LRRC53: variants seen among roughly 807,000 people sequenced by gnomAD.
The protein encoded by LRRC53 is leucine-rich repeat-containing protein 53.
Under a neutral mutation model 13.6 loss-of-function variants are expected in LRRC53, and 25 were observed. The observed-to-expected ratio is 1.83, with a 90% CI of 1.34 to 2.56. The LOEUF is 2.56. Ranked by LOEUF, LRRC53 falls within the 30% of genes most tolerant of loss-of-function variation. The pLI is 0.00. For missense variants in LRRC53, 527 were observed against 275.8 expected, an observed-to-expected ratio of 1.91 and a Z score of -6.45; for synonymous variants, 204 against 109.8, an observed-to-expected ratio of 1.86 and a Z score of -5.37.
At chr1:74,510,464 C>T (rs532132148) in intron 1 of LRRC53, among the ~76,000 whole-genome samples, 4 of 152,206 alleles carry the variant, frequency 2.6e-5, no homozygotes, top group East Asian at 1.9e-4. Flanking sequence ...GCCGACATCG[C>T]GCCACTGCAC....
Position 74,482,002 on chromosome 1 carries a change from C to T in LRRC53, c.89-1034G>A, listed in dbSNP as rs551356078. On this transcript the variant is annotated intron_variant, in intron 2 of 4. Coordinates refer to ENST00000294635, the MANE Select transcript of LRRC53 (RefSeq NM_001382280.1). The stretch of plus-strand genomic sequence containing the variant: ...CTCAGAGTGCCTTCTTTTGGAAGAA[C>T]TGTTCTCATCCCTGCAGCACAAGCA... Among the ~76,000 whole-genome samples the T allele has an allele frequency of 1.1e-4, 16 of 152,284 alleles. No individual in the cohort carries two copies. In the South Asian group the frequency reaches 2.3e-3, roughly 22 times the overall value.
the LRRC53 span, among the ~76,000 whole-genome samples, chr1:74,525,846 G>A: frequency 1.3e-5 from 2 of 152,174 alleles, no homozygotes; most frequent in African/African-American, 4.8e-5. Context: ...AGGCATCACA[G>A]CACATCACAC....
chr1:74,495,029 T>G (rs1451123256), intron 1 of LRRC53, among the ~76,000 whole-genome samples: 1 of 152,156 alleles, frequency 6.6e-6, no homozygotes, highest in Non-Finnish European at 1.5e-5. Context: ...CCACTACTAA[T>G]TTTTCAAAAA....
the LRRC53 span, among the ~76,000 whole-genome samples, chr1:74,533,811 G>A: frequency 1.3e-5 from 2 of 152,064 alleles, no homozygotes; most frequent in Non-Finnish European, 2.9e-5. Flanking sequence ...CTATCACAAG[G>A]ACAAAAAACC....
At chr1:74,504,631 A>G (rs274609) in intron 1 of LRRC53, among the ~76,000 whole-genome samples, 101,818 of 151,878 alleles carry the variant, frequency 0.67, 35,690 homozygotes, top group African/African-American at 0.88. Flanking sequence ...TGTAAAATTG[A>G]CACCTTTAAA....
the LRRC53 span, among the ~76,000 whole-genome samples, chr1:74,531,479 G>T: frequency 6.6e-6 from 1 of 152,166 alleles, no homozygotes; most frequent in African/African-American, 2.4e-5. Context: ...TAAGAGGAAA[G>T]GTGGGCTGCA....
upstream of LRRC53, among the ~76,000 whole-genome samples, chr1:74,513,381 G>A (rs1481954168): frequency 6.6e-6 from 1 of 152,170 alleles, no homozygotes; most frequent in East Asian, 1.9e-4. Flanking sequence ...ACTGGTAGTA[G>A]GAGTTGAGAA....
At chr1:74,489,521 A>G (rs1668942462) in intron 1 of LRRC53, among the ~76,000 whole-genome samples, 1 of 152,226 alleles carries the variant, frequency 6.6e-6, no homozygotes, top group African/African-American at 2.4e-5. Flanking sequence ...TGATAAGTAA[A>G]AATTGGAAAG....
chr1:74,531,732 A>G, the LRRC53 span, among the ~76,000 whole-genome samples: 252 of 152,280 alleles, frequency 1.7e-3, 6 homozygotes, highest in East Asian at 0.042. Flanking sequence ...CTGTTTAAGT[A>G]TTATTGTATG....
rs1667852272 is a variant in LRRC53, at chr1:74,470,126, C to T, written c.3496G>A (p.Val1166Ile). ...TTTTGAACTTCTCTAAAATTATGTA[C>T]ATTACTGTTAACTTCAGGATCTACT... is the stretch of plus-strand genomic sequence containing the variant. ...SEVDPEVNSN[V>I]HNFREVQNIQ... The change falls in exon 5 of 5, where the codon GTA (valine) becomes ATA (isoleucine). Residue 1166 changes from valine (V) to isoleucine (I), a missense_variant. Coordinates refer to ENST00000294635, the MANE Select transcript of LRRC53 (RefSeq NM_001382280.1). 2 of 400,582 alleles carry T rather than the reference C, an allele frequency of 5.0e-6. No individual in the cohort carries two copies. Among genetic ancestry groups the T allele is most frequent in the Admixed American group, 4.4e-5 (1 of 22,718 alleles). The allele number at this position is 400,582 out of a possible 1,614,324, so 24.8% of individuals were successfully genotyped here.
intron 2 of LRRC53, among the ~76,000 whole-genome samples, 174 bp from the exon 3 acceptor site, chr1:74,481,142 G>A (rs1371363739): frequency 1.3e-5 from 2 of 152,162 alleles, no homozygotes; most frequent in African/African-American, 2.4e-5. Context: ...GGGGAAGCTG[G>A]CTATATATCA....
intron 1 of LRRC53, chr1:74,492,242 G>A (rs2100305362): frequency 1.6e-5 from 26 of 1,601,892 alleles, no homozygotes; most frequent in Non-Finnish European, 2.0e-5. Flanking sequence ...CTAAATGCAA[G>A]GTCCTATGCT....
the LRRC53 span, among the ~76,000 whole-genome samples, chr1:74,523,244 CA>C: frequency 6.6e-6 from 1 of 152,138 alleles, no homozygotes; most frequent in Non-Finnish European, 1.5e-5. Context: ...AATTTTCTAA[CA>C]CCTATGATTT....
upstream of LRRC53, among the ~76,000 whole-genome samples, chr1:74,514,258 A>T (rs949745527): frequency 6.6e-6 from 1 of 152,186 alleles, no homozygotes; most frequent in East Asian, 1.9e-4. Context: ...GCTAGGAGCA[A>T]TTGTTTTAAA....
chr1:74,492,140 C>T lies in LRRC53; in HGVS notation c.-26-8765G>A, dbSNP rs1210821808. 3 of 1,594,908 alleles carry T rather than the reference C, an allele frequency of 1.9e-6. No individual in the cohort carries two copies. Among genetic ancestry groups the T allele is most frequent in the Non-Finnish European group, 2.6e-6 (3 of 1,168,510 alleles). On this transcript the variant is annotated intron_variant, in intron 1 of 4. Coordinates refer to ENST00000294635, the MANE Select transcript of LRRC53 (RefSeq NM_001382280.1). ...AGTAACAGCAGTGGGTCTCTCTCAC[C>T]TTCTTCTTCTTCTGATTGCCTGGTG...
intron 1 of LRRC53, among the ~76,000 whole-genome samples, chr1:74,495,223 C>G (rs893283060): frequency 1.3e-5 from 2 of 152,170 alleles, no homozygotes; most frequent in South Asian, 2.1e-4. Context: ...TTGCTGTGAG[C>G]GTGCATTCAA....
chr1:74,469,728 GTTTTA>G lies in LRRC53; in HGVS notation c.*145_*149del, dbSNP rs1364085483. On this transcript the variant is annotated 3_prime_UTR_variant, in exon 5 of 5. Transcript: ENST00000294635. ...GATTTTTGTCATATATTCAACTCTG[GTTTTA>G]TTTTATTGATAACAAAGAGTTACTG... is the stretch of plus-strand genomic sequence containing the variant. 5.1e-6 allele frequency: 2 copies of G among 394,406 alleles called. No homozygotes were observed. The highest frequency in any genetic ancestry group is 4.1e-5 in the African/African-American group (2 of 48,474). 24.4% of individuals were successfully genotyped at this position (394,406 alleles called of 1,614,324 possible). A position where few individuals can be genotyped will look rare whatever the true frequency, so the allele number is the denominator to read the frequency against.
chr1:74,509,706 G>T (rs1174694724), intron 1 of LRRC53, among the ~76,000 whole-genome samples: 3 of 146,162 alleles, frequency 2.1e-5, no homozygotes, highest in Non-Finnish European at 4.5e-5. Context: ...ATTTTGAAAG[G>T]TACCTATGAA....
the LRRC53 span, among the ~76,000 whole-genome samples, chr1:74,533,207 A>G: frequency 6.6e-6 from 1 of 152,206 alleles, no homozygotes; most frequent in Admixed American, 6.5e-5. Context: ...ATGAACTCAA[A>G]TTTACAAGAA....
Sources: gnomAD v4.1 joint callset for allele counts (sites outside exome capture counted in the v4.1 genomes callset) on GRCh38, gnomAD v4.1.1 for gene constraint, MANE v1.5 for transcripts, NCBI Gene and HGNC (gene_info 2026-07-23, HGNC 2026-07-21) for gene names.